The following CAPN2 variants were observed in gnomAD, a reference collection of about 807,000 sequenced individuals.
CAPN2 encodes calpain 2.
Under a neutral mutation model 102.3 loss-of-function variants are expected in CAPN2, and 92 were observed. The observed-to-expected ratio is 0.90, with a 90% CI of 0.76 to 1.07. CAPN2 has a LOEUF of 1.07. CAPN2 is among the 50% of genes least tolerant of loss of function. CAPN2 has a pLI of 0.00. For synonymous variants in CAPN2, 340 were observed against 355.4 expected (o/e 0.96, Z 0.49); for missense variants, 800 against 909.4 (o/e 0.88, Z 1.55).
At position 223,755,465 on chromosome 1, in the gene CAPN2, C is replaced by T. The variant is rs750455011; in HGVS notation, c.1136-15C>T. The T allele has an allele frequency of 8.1e-6, 13 of 1,613,532 alleles. No homozygotes were observed. Among genetic ancestry groups the T allele is most frequent in the Admixed American group, 6.7e-5 (4 of 59,982 alleles). ...CTGCTCAGGGCTGGGCTCCTCTGCCCCTTTCTGGCTGCAGACACATTCTGG... is the reference window on the plus strand; with the variant it reads ...CTGCTCAGGGCTGGGCTCCTCTGCCTCTTTCTGGCTGCAGACACATTCTGG... On this transcript the variant is annotated splice_polypyrimidine_tract_variant and intron_variant, in intron 9 of 20. Transcript: ENST00000295006. This position sits in a 1 kb window ranked among gnomAD's most constrained non-coding sequence, Gnocchi z 4.1.
intron 1 of CAPN2, among the ~76,000 whole-genome samples, chr1:223,714,589 G>A (rs1054626862): frequency 1.4e-5 from 2 of 138,442 alleles, no homozygotes; most frequent in Non-Finnish European, 3.0e-5. Context: ...ACCAGCCTGG[G>A]CAACACAGTA....
rs10556130 is a variant in CAPN2 at position 223,719,805 on chromosome 1, C to CGTGTGT, written c.307+1996_307+2001dup. Among the ~76,000 whole-genome samples, 132 of 143,724 alleles carry CGTGTGT rather than the reference C, an allele frequency of 9.2e-4. 1 individual carries two copies. In the East Asian group the frequency reaches 0.014, roughly 16 times the overall value. 94.3% of individuals were successfully genotyped at this position (143,724 alleles called of 152,430 possible). ...GTCTGTAATTTCTCAGGGGTGTGTGCGTGTGTGTGTGTGTGTGTGTGTGTG... is the reference window on the plus strand; with the variant it reads ...GTCTGTAATTTCTCAGGGGTGTGTGCGTGTGTGTGTGTGTGTGTGTGTGTGTGTGTG... On this transcript the variant is annotated intron_variant, in intron 2 of 20. Transcript: ENST00000295006.
chr1:223,707,715 G>A (rs372033301), upstream of CAPN2, among the ~76,000 whole-genome samples: 8 of 152,356 alleles, frequency 5.3e-5, no homozygotes, highest in East Asian at 9.6e-4. Context: ...CTGCACCAAA[G>A]AGGGTGTTGC....
chr1:223,745,766 A>G (rs1660737339), intron 4 of CAPN2, among the ~76,000 whole-genome samples: 1 of 152,240 alleles, frequency 6.6e-6, no homozygotes, highest in East Asian at 1.9e-4. Flanking sequence ...GATGTCTATC[A>G]CCATCTTTAA....
At chr1:223,745,192 C>G (rs12069561) in intron 3 of CAPN2, 114 bp from the exon 4 acceptor site, 173,278 of 1,366,696 alleles carry the variant, frequency 0.13, 19,174 homozygotes, top group African/African-American at 0.56. Context: ...TCCCAGGATG[C>G]GCTCATGGAA....
chr1:223,747,207 T>C, intron 5 of CAPN2, 42 bp downstream of exon 5: 2 of 1,548,700 alleles, frequency 1.3e-6, no homozygotes, highest in South Asian at 1.2e-5. Context: ...CCATCTGCTC[T>C]TGCTGAAGGG....
At chr1:223,706,207 A>G (rs1659601507) in intron 1 of CAPN2, among the ~76,000 whole-genome samples, 1 of 151,990 alleles carries the variant, frequency 6.6e-6, no homozygotes, top group Non-Finnish European at 1.5e-5. Flanking sequence ...CTCTCCTTCT[A>G]CTGTCAGCAC....
intron 2 of CAPN2, among the ~76,000 whole-genome samples, chr1:223,736,940 G>A (rs1223072066): frequency 6.6e-6 from 1 of 152,132 alleles, no homozygotes; most frequent in Non-Finnish European, 1.5e-5. Flanking sequence ...GCTACAAGGT[G>A]AGGTGGGAGG....
At chr1:223,717,395 G>C (rs558926275) in intron 1 of CAPN2, among the ~76,000 whole-genome samples, 2 of 152,208 alleles carry the variant, frequency 1.3e-5, no homozygotes, top group Non-Finnish European at 2.9e-5. Flanking sequence ...ACAGAGGAGA[G>C]AGGATGCTAA....
rs143737287 is a variant in CAPN2 at position 223,727,966 on chromosome 1, G to A, written c.307+10135G>A. ...ACCTTGGGAACTGCAGAGCAGCTGG[G>A]TGGCCTGACACTGGCATTTCTCAGT... On this transcript the variant is annotated intron_variant, in intron 2 of 20. Transcript: ENST00000295006. This position sits in a 1 kb window ranked among gnomAD's most constrained non-coding sequence, Gnocchi z 4.1. Among the ~76,000 whole-genome samples, 20 of 152,246 alleles carry A rather than the reference G, an allele frequency of 1.3e-4. No homozygotes were observed. The highest frequency in any genetic ancestry group is 4.8e-4 in the African/African-American group (20 of 41,538).
Position 223,764,193 on chromosome 1 carries a change from G to A in CAPN2, c.1676G>A (p.Arg559Lys), listed in dbSNP as rs1160220532. 6.2e-7 allele frequency: 1 copy of A among 1,613,766 alleles called. No homozygotes were observed. The highest frequency in any genetic ancestry group is 8.5e-7 in the Non-Finnish European group (1 of 1,179,798). The change falls in exon 15 of 21, where the codon AGG (arginine) becomes AAG (lysine). Residue 559 changes from arginine (R) to lysine (K), a missense_variant. Physicochemically the swap from Arg to Lys is conservative, Grantham distance 26 (BLOSUM62 2). Coordinates refer to ENST00000295006, the MANE Select transcript of CAPN2 (RefSeq NM_001748.5). ...TTTGAGCTGCAGACCATCCTGAGAA[G>A]GGTTCTAGCAAAGCGTGAGTATCCC... The part of the protein sequence containing the change: ...SAFELQTILR[R>K]VLAKRQDIKS...
intron 1 of CAPN2, among the ~76,000 whole-genome samples, chr1:223,706,867 G>A (rs542885511): frequency 3.2e-4 from 48 of 152,216 alleles, no homozygotes; most frequent in African/African-American, 1.1e-3. Context: ...ATCACCTGAG[G>A]TCAGGAGTTC....
intron 2 of CAPN2, among the ~76,000 whole-genome samples, chr1:223,724,934 A>G (rs1332877761): frequency 6.6e-6 from 1 of 152,202 alleles, no homozygotes; most frequent in African/African-American, 2.4e-5. Context: ...TGATTGCACC[A>G]TGACATTCTA....
upstream of CAPN2, among the ~76,000 whole-genome samples, chr1:223,709,661 C>CAAAAAAAAAAAAAAAAAA (rs779362608): frequency 1.5e-5 from 2 of 137,820 alleles, no homozygotes; most frequent in African/African-American, 5.4e-5. Flanking sequence ...AACTCCATCT[C>CAAAAAAAAAAAAAAAAAA]AAAAAAAAAA....
chr1:223,758,822 AGCTGAGACTACAGGC>A, intron 11 of CAPN2: 1 of 229,660 alleles, frequency 4.4e-6, no homozygotes, highest in Non-Finnish European at 8.7e-6. Flanking sequence ...CCTCCTGAGT[AGCTGAGACTACAGGC>A]GCTTGCCGCC....
chr1:223,725,896 G>A lies in CAPN2; in HGVS notation c.307+8065G>A, dbSNP rs1011866638. Reference sequence around the variant, plus strand: ...CCATCTGCGAAATGGGAACAATGACGATGTTTGCGTCCTTTCTTTTTCTTT... The same window carrying A: ...CCATCTGCGAAATGGGAACAATGACAATGTTTGCGTCCTTTCTTTTTCTTT... On this transcript the variant is annotated intron_variant, in intron 2 of 20. Coordinates refer to ENST00000295006, the MANE Select transcript of CAPN2 (RefSeq NM_001748.5). This position sits in a 1 kb window ranked among gnomAD's most constrained non-coding sequence, Gnocchi z 4.1. Among the ~76,000 whole-genome samples the A allele has an allele frequency of 2.6e-5, 4 of 152,318 alleles. No homozygotes were observed. Among genetic ancestry groups the A allele is most frequent in the East Asian group, 1.9e-4 (1 of 5,184 alleles).
At position 223,756,802 on chromosome 1, in the gene CAPN2, T is replaced by C. The variant is rs1018239135; in HGVS notation, c.1306-567T>C. 3.3e-5 allele frequency among the ~76,000 whole-genome samples: 5 copies of C among 152,158 alleles called. No homozygotes were observed. Among genetic ancestry groups the C allele is most frequent in the Non-Finnish European group, 5.9e-5 (4 of 68,024 alleles). On this transcript the variant is annotated intron_variant, in intron 10 of 20. Coordinates refer to ENST00000295006, the MANE Select transcript of CAPN2 (RefSeq NM_001748.5). This position sits in a 1 kb window ranked among gnomAD's most constrained non-coding sequence, Gnocchi z 4.1. The stretch of plus-strand genomic sequence containing the variant: ...TGGGACAGAATCGATCCAAGGACAA[T>C]GCAAATGGAATTGTGATACACAGCT...
At chr1:223,746,473 A>ATTTTTTTTTTTTTTT (rs1420617646) in intron 4 of CAPN2, among the ~76,000 whole-genome samples, 1 of 105,236 alleles carries the variant, frequency 9.5e-6, no homozygotes, top group African/African-American at 7.0e-5. Flanking sequence ...TTCTACGAGA[A>ATTTTTTTTTTTTTTT]TCTTTTTTTT....
At position 223,756,713 on chromosome 1, in the gene CAPN2, T is replaced by C. The variant is rs1661045397; in HGVS notation, c.1306-656T>C. 6.6e-6 allele frequency among the ~76,000 whole-genome samples: 1 copy of C among 152,032 alleles called. No homozygotes were observed. Among genetic ancestry groups the C allele is most frequent in the Non-Finnish European group, 1.5e-5 (1 of 68,002 alleles). Reference sequence around the variant, plus strand: ...AAGGCAGCTGGGCAAATACCATCAGTTGTAAAAATGCACATAGGCCTAAAC... The same window carrying C: ...AAGGCAGCTGGGCAAATACCATCAGCTGTAAAAATGCACATAGGCCTAAAC... On this transcript the variant is annotated intron_variant, in intron 10 of 20. Transcript: ENST00000295006. The surrounding 1 kb of genome is among the most constrained non-coding windows in gnomAD (Gnocchi z 4.1).
Sources: gnomAD v4.1 joint callset for allele counts (sites outside exome capture counted in the v4.1 genomes callset) on GRCh38, gnomAD v4.1.1 for gene constraint, Gnocchi (gnomAD v3.1) non-coding constraint, MANE v1.5 for transcripts, NCBI Gene and HGNC (gene_info 2026-07-23, HGNC 2026-07-21) for gene names.